Variants in PLXNC1 observed in about 807,000 individuals in gnomAD.
The protein encoded by PLXNC1 is plexin-C1.
A neutral mutation model predicts 178.2 loss-of-function variants in PLXNC1; 75 were observed. The observed-to-expected ratio is 0.42, with a 90% confidence interval of 0.35 to 0.51. PLXNC1 has a LOEUF of 0.51. PLXNC1 is among the 20% of genes least tolerant of loss of function. The probability of loss-of-function intolerance (pLI) is 0.02; values close to 1 mark genes in which losing one functional copy is unlikely to be tolerated. For synonymous variants in PLXNC1, 790 were observed against 779.9 expected (o/e 1.01, Z -0.22); for missense variants, 1,503 against 1,984.4 (o/e 0.76, Z 4.61).
In PLXNC1 at chr12:94,240,679, C is replaced by A. The variant is rs74534014; in HGVS notation, c.2300+15C>A. On this transcript the variant is annotated intron_variant, in intron 11 of 30. Transcript: ENST00000258526. ...ACCTGGATCAGGTACTTTCTAGATT[C>A]ATAATCTTTTTCTCATTGTGGTTAA... 100 of 1,586,878 alleles carry A rather than the reference C, an allele frequency of 6.3e-5. No individual in the cohort carries two copies. In the East Asian group the frequency reaches 2.2e-3, roughly 35 times the overall value.
At chr12:94,298,537 A>T in intron 26 of PLXNC1, 95 bp from the exon 27 acceptor site, 1 of 1,040,136 alleles carries the variant, frequency 9.6e-7, no homozygotes, top group Non-Finnish European at 1.4e-6. Context: ...TTTGAACATT[A>T]TTTTCTCTGA....
chr12:94,252,950 T>C (rs576354979), intron 15 of PLXNC1, among the ~76,000 whole-genome samples: 1 of 152,184 alleles, frequency 6.6e-6, no homozygotes, highest in African/African-American at 2.4e-5. Context: ...CGGTGGCTCA[T>C]GCCTGTAATC....
At chr12:94,237,403 T>C (rs1964271022) in intron 9 of PLXNC1, among the ~76,000 whole-genome samples, 1 of 152,206 alleles carries the variant, frequency 6.6e-6, no homozygotes, top group South Asian at 2.1e-4. Flanking sequence ...AGACAGAATA[T>C]CAGACTTTTC....
chr12:94,168,840 G>GCTGT (rs1961730396), intron 1 of PLXNC1, among the ~76,000 whole-genome samples: 1 of 152,196 alleles, frequency 6.6e-6, no homozygotes, highest in African/African-American at 2.4e-5. Context: ...TCAGCGGTGG[G>GCTGT]CTGTCTCTTG....
intron 7 of PLXNC1, 42 bp downstream of exon 7, chr12:94,224,357 T>A: frequency 9.4e-7 from 1 of 1,061,472 alleles, no homozygotes; most frequent in Non-Finnish European, 1.5e-6. Flanking sequence ...TCGTTGATCT[T>A]AATTTACTTA....
intron 30 of PLXNC1, 77 bp from the exon 31 acceptor site, chr12:94,305,104 C>T (rs3803071): frequency 0.52 from 416,890 of 804,884 alleles, 109,523 homozygotes; most frequent in Admixed American, 0.56. Flanking sequence ...TTACCACTCA[C>T]AGCATCAGGT....
At chr12:94,224,515 C>G (rs1026218630) in intron 7 of PLXNC1, among the ~76,000 whole-genome samples, 200 bp downstream of exon 7, 1 of 152,068 alleles carries the variant, frequency 6.6e-6, no homozygotes, top group African/African-American at 2.4e-5. Flanking sequence ...AGTAAGCTGG[C>G]GCTGCGAGGG....
chr12:94,268,065 A>G (rs1965349693), intron 21 of PLXNC1, among the ~76,000 whole-genome samples: 1 of 152,182 alleles, frequency 6.6e-6, no homozygotes, highest in Admixed American at 6.5e-5. Context: ...ATCCTCACGA[A>G]CCACTTGAAA....
chr12:94,187,221 G>C (rs1962550976), intron 4 of PLXNC1, among the ~76,000 whole-genome samples: 1 of 151,734 alleles, frequency 6.6e-6, no homozygotes, highest in Non-Finnish European at 1.5e-5. Context: ...GTGTCTGTCA[G>C]TTTGGTGCTT....
At chr12:94,247,754 C>T in intron 12 of PLXNC1, 149 bp from the exon 13 acceptor site, 1 of 687,734 alleles carries the variant, frequency 1.5e-6, no homozygotes, top group Non-Finnish European at 2.5e-6. Flanking sequence ...GAAGTCAATC[C>T]TGTGAGGGAG....
At chr12:94,170,572 G>A (rs1016972334) in intron 2 of PLXNC1, among the ~76,000 whole-genome samples, 1 of 152,076 alleles carries the variant, frequency 6.6e-6, no homozygotes, top group South Asian at 2.1e-4. Flanking sequence ...AAATACTCAT[G>A]ATCTATGTCA....
At chr12:94,299,709 G>A (rs1968278407) in intron 27 of PLXNC1, among the ~76,000 whole-genome samples, 1 of 152,096 alleles carries the variant, frequency 6.6e-6, no homozygotes, top group African/African-American at 2.4e-5. Flanking sequence ...ACACGAGCAT[G>A]CCACCGCACT....
At chr12:94,285,500 C>T (rs1966784064) in intron 23 of PLXNC1, among the ~76,000 whole-genome samples, 1 of 152,184 alleles carries the variant, frequency 6.6e-6, no homozygotes, top group African/African-American at 2.4e-5. Flanking sequence ...CGTGCTCACT[C>T]TCCTATAGCT....
At position 94,305,890 on chromosome 12, in the gene PLXNC1, T is replaced by C. The variant is rs1968955314; in HGVS notation, c.*605T>C. On this transcript the variant is annotated 3_prime_UTR_variant, in exon 31 of 31. Coordinates refer to ENST00000258526, the MANE Select transcript of PLXNC1 (RefSeq NM_005761.3). The stretch of plus-strand genomic sequence containing the variant: ...GTTGCAACATTGTTGAAAGGGCTCG[T>C]GTTTTTCAGTGGTCATCAACTGCAC... The C allele has an allele frequency of 6.6e-6, 1 of 152,162 alleles. No homozygotes were observed. The highest frequency in any genetic ancestry group is 1.5e-5 in the Non-Finnish European group (1 of 68,042). 9.4% of individuals were successfully genotyped at this position (152,162 alleles called of 1,614,324 possible).
At chr12:94,294,892 A>ACAAT (rs1409769236) in intron 24 of PLXNC1, among the ~76,000 whole-genome samples, 1 of 152,184 alleles carries the variant, frequency 6.6e-6, no homozygotes, top group African/African-American at 2.4e-5. Flanking sequence ...AAGAGTACAG[A>ACAAT]CAATCATCAC....
At chr12:94,265,387 G>T (rs1241011240) in intron 21 of PLXNC1, among the ~76,000 whole-genome samples, 162 bp downstream of exon 21, 1 of 152,136 alleles carries the variant, frequency 6.6e-6, no homozygotes, top group Non-Finnish European at 1.5e-5. Context: ...GTTAACACGT[G>T]TTCACATAAT....
chr12:94,224,389 CTAAAGA>C, intron 7 of PLXNC1, 74 bp downstream of exon 7: 2 of 877,306 alleles, frequency 2.3e-6, no homozygotes, highest in Non-Finnish European at 3.9e-6. Context: ...CCTCGATTTC[CTAAAGA>C]ACTCTTTTGT....
chr12:94,206,495 T>C lies in PLXNC1; in HGVS notation c.1440-3095T>C, dbSNP rs571553919. Among the ~76,000 whole-genome samples the C allele has an allele frequency of 5.7e-3, 870 of 152,254 alleles. 12 individuals are homozygous for C. The highest frequency in any genetic ancestry group is 0.02 in the African/African-American group (829 of 41,552). On this transcript the variant is annotated intron_variant, in intron 4 of 30. Coordinates refer to ENST00000258526, the MANE Select transcript of PLXNC1 (RefSeq NM_005761.3). ...TTAACTTTTTGGTTTGGGGGATTTT[T>C]TTTTTTTTCCTTCAGGCAATCTTTT...
rs1964591995 is a variant in PLXNC1, at chr12:94,248,495, T to C, written c.2778+83T>C. 7 of 1,051,428 alleles carry C rather than the reference T, an allele frequency of 6.7e-6. No individual in the cohort carries two copies. In the South Asian group the frequency reaches 1.1e-4, roughly 17 times the overall value. The allele number at this position is 1,051,428 out of a possible 1,614,324, so 65.1% of individuals were successfully genotyped here. Reference sequence around the variant, plus strand: ...GGCTAAACCAGAGGCCAGAATGGAATCTTTCATGGATCTTCAGATCCTCAC... The same window carrying C: ...GGCTAAACCAGAGGCCAGAATGGAACCTTTCATGGATCTTCAGATCCTCAC... On this transcript the variant is annotated intron_variant, in intron 14 of 30. Transcript: ENST00000258526.
Sources: allele counts gnomAD v4.1 joint callset (sites outside exome capture counted in the v4.1 genomes callset), GRCh38; gene constraint gnomAD v4.1.1; transcripts MANE v1.5; gene names NCBI Gene and HGNC (gene_info 2026-07-23, HGNC 2026-07-21).